The following ZNF560 variants were observed in gnomAD, a reference collection of about 807,000 sequenced individuals.
The protein encoded by ZNF560 is zinc finger protein 560.
Under a neutral mutation model 81.8 loss-of-function variants are expected in ZNF560, and 54 were observed. The ratio of observed to expected loss-of-function variants is 0.66; its 90% CI spans 0.53 to 0.83. ZNF560 has a LOEUF of 0.83. Ranked by LOEUF, ZNF560 falls within the 40% of genes least tolerant of loss-of-function variation. The pLI is 0.00. For missense variants in ZNF560, 940 were observed against 932.4 expected, an observed-to-expected ratio of 1.01 and a Z score of -0.11; for synonymous variants, 321 against 317.9, an observed-to-expected ratio of 1.01 and a Z score of -0.10.
downstream of ZNF560, among the ~76,000 whole-genome samples, chr19:9,462,145 C>T (rs1303599138): frequency 1.3e-5 from 2 of 152,144 alleles, no homozygotes. Flanking sequence ...CCAAGCCTGG[C>T]CATAAACAAG....
Position 9,482,631 on chromosome 19 carries a change from A to C in ZNF560, c.-56-7262T>G, listed in dbSNP as rs138665440. 1.8e-3 allele frequency among the ~76,000 whole-genome samples: 276 copies of C among 150,564 alleles called. 2 individuals carry two copies. The highest frequency in any genetic ancestry group is 6.5e-3 in the African/African-American group (264 of 40,816). On this transcript the variant is annotated intron_variant, in intron 2 of 9. Coordinates refer to ENST00000301480, the MANE Select transcript of ZNF560 (RefSeq NM_152476.3). ...AGAGCAAGACCCTTTCTCAAAAAGA[A>C]AAGACCTCCCCCTCCCCCTCCCCCT...
chr19:9,447,320 C>T, the ZNF560 span, among the ~76,000 whole-genome samples: 2 of 151,930 alleles, frequency 1.3e-5, no homozygotes, highest in African/African-American at 4.8e-5. Flanking sequence ...ATTCTGCCAC[C>T]ATGAAAAAGC....
chr19:9,481,114 C>G lies in ZNF560; in HGVS notation c.-56-5745G>C, dbSNP rs2073283208. On this transcript the variant is annotated intron_variant, in intron 2 of 9. Transcript: ENST00000301480. ...AAAAAAAAAAAGGCCTCAGAAATAA[C>G]ACCACACATCTACACCATGTGATCT... is the stretch of plus-strand genomic sequence containing the variant. 4.1e-5 allele frequency among the ~76,000 whole-genome samples: 6 copies of G among 145,570 alleles called. No homozygotes were observed. In the East Asian group the frequency reaches 8.0e-4, roughly 19 times the overall value.
chr19:9,470,470 A>G lies in ZNF560; in HGVS notation c.370T>C (p.Trp124Arg), dbSNP rs200617967. 6.2e-7 allele frequency: 1 copy of G among 1,613,956 alleles called. No homozygotes were observed. The highest frequency in any genetic ancestry group is 8.5e-7 in the Non-Finnish European group (1 of 1,179,988). Residue 124 changes from tryptophan to arginine, a missense_variant, in exon 7 of 10, where the codon TGG (tryptophan) becomes CGG (arginine). Transcript: ENST00000301480. The stretch of plus-strand genomic sequence containing the variant: ...CTCTGAGCTGGGTCCAGTAAAGTCC[A>G]CTCTTCCTGGGTGAACTCCACAGCC... ...SVAVEFTQEE[W>R]TLLDPAQRNL...
chr19:9,504,836 C>T, the ZNF560 span, among the ~76,000 whole-genome samples: 35 of 152,226 alleles, frequency 2.3e-4, no homozygotes, highest in African/African-American at 8.2e-4. Context: ...CCTGTAATCC[C>T]AGCACTCTGG....
intron 2 of ZNF560, among the ~76,000 whole-genome samples, chr19:9,495,904 AAAAC>A (rs2073550587): frequency 6.6e-6 from 1 of 152,160 alleles, no homozygotes; most frequent in Non-Finnish European, 1.5e-5. Context: ...AAACAAACAA[AAAAC>A]AAACTAAAGT....
downstream of ZNF560, among the ~76,000 whole-genome samples, chr19:9,463,268 TAAA>T: frequency 6.6e-6 from 1 of 151,966 alleles, no homozygotes; most frequent in South Asian, 2.1e-4. Context: ...CTAAAAAAAA[TAAA>T]AAAGGAAATC....
At chr19:9,464,567 A>C (rs1216252516), downstream of ZNF560, among the ~76,000 whole-genome samples, 1 of 152,224 alleles carries the variant, frequency 6.6e-6, no homozygotes, top group African/African-American at 2.4e-5. Context: ...AAAGAGGAAC[A>C]AGAGTATTTT....
chr19:9,500,815 T>C (rs1241509838), upstream of ZNF560, among the ~76,000 whole-genome samples: 1 of 152,094 alleles, frequency 6.6e-6, no homozygotes, highest in Non-Finnish European at 1.5e-5. Context: ...GACCTCATGA[T>C]CCACCTGCCT....
At chr19:9,497,262 T>C (rs2073574587) in intron 2 of ZNF560, among the ~76,000 whole-genome samples, 1 of 152,148 alleles carries the variant, frequency 6.6e-6, no homozygotes, top group Admixed American at 6.6e-5. Context: ...TTGATGCAAA[T>C]AGTATTACGG....
chr19:9,465,156 G>C (rs1197614694), downstream of ZNF560, among the ~76,000 whole-genome samples: 1 of 142,142 alleles, frequency 7.0e-6, no homozygotes, highest in Non-Finnish European at 1.5e-5. Context: ...TTTTGAGATG[G>C]AGTCTCGCTC....
In ZNF560 at chr19:9,485,766, C is replaced by T. The variant is rs555902415; in HGVS notation, c.-56-10397G>A. 5.9e-5 allele frequency among the ~76,000 whole-genome samples: 9 copies of T among 152,084 alleles called. No individual in the cohort carries two copies. In the East Asian group the frequency reaches 1.4e-3, roughly 23 times the overall value. On this transcript the variant is annotated intron_variant, in intron 2 of 9. Coordinates refer to ENST00000301480, the MANE Select transcript of ZNF560 (RefSeq NM_152476.3). ...GGCCACACTGGTCTTGAACTCCTGG[C>T]CTCAAGTGATCCTCCCGCTTCTATC...
Position 9,482,406 on chromosome 19 carries a change from T to A in ZNF560, c.-56-7037A>T, listed in dbSNP as rs1485463279. 2.8e-5 allele frequency among the ~76,000 whole-genome samples: 4 copies of A among 143,102 alleles called. No individual in the cohort carries two copies. The East Asian group carries it at 6.3e-4, about 22-fold the overall frequency. 93.9% of individuals were successfully genotyped at this position (143,102 alleles called of 152,430 possible). The stretch of plus-strand genomic sequence containing the variant: ...ACCTGCACATTGTACGCATGTACCT[T>A]AGAACTTAAAGTATAATAAAAATAA... On this transcript the variant is annotated intron_variant, in intron 2 of 9. Transcript: ENST00000301480.
chr19:9,471,178 T>C (rs2073114944), intron 6 of ZNF560, 118 bp downstream of exon 6: 2 of 659,202 alleles, frequency 3.0e-6, no homozygotes, highest in East Asian at 3.0e-5. Context: ...TCCAGAGACA[T>C]TGCTCCCTCT....
intron 2 of ZNF560, among the ~76,000 whole-genome samples, chr19:9,483,997 A>G (rs2073345560): frequency 6.6e-6 from 1 of 151,990 alleles, no homozygotes; most frequent in Admixed American, 6.6e-5. Context: ...CTTACCCCCA[A>G]CCCGGTGCTC....
At chr19:9,453,019 G>A in the ZNF560 span, among the ~76,000 whole-genome samples, 1 of 152,080 alleles carries the variant, frequency 6.6e-6, no homozygotes, top group African/African-American at 2.4e-5. Context: ...TCATATCTTC[G>A]AATCCCAACT....
At chr19:9,488,769 T>C (rs1051133348) in intron 2 of ZNF560, among the ~76,000 whole-genome samples, 1 of 152,212 alleles carries the variant, frequency 6.6e-6, no homozygotes, top group Admixed American at 6.5e-5. Flanking sequence ...TTTGGATCTG[T>C]GTCCCCACCA....
At chr19:9,499,342 G>GTAT (rs919619800), upstream of ZNF560, among the ~76,000 whole-genome samples, 17 of 151,540 alleles carry the variant, frequency 1.1e-4, no homozygotes, top group Admixed American at 9.9e-4. Flanking sequence ...GCTAATTTTT[G>GTAT]TATTATTATT....
At chr19:9,478,260 AAAAC>A (rs752874378) in intron 2 of ZNF560, among the ~76,000 whole-genome samples, 16 of 152,340 alleles carry the variant, frequency 1.1e-4, no homozygotes, top group Non-Finnish European at 1.6e-4. Flanking sequence ...GCTGTCAGGA[AAAAC>A]AAACAAACAA....
Sources: allele counts gnomAD v4.1 joint callset (sites outside exome capture counted in the v4.1 genomes callset), GRCh38; gene constraint gnomAD v4.1.1; transcripts MANE v1.5; gene names NCBI Gene and HGNC (gene_info 2026-07-23, HGNC 2026-07-21).